TXNDC16: variants seen among roughly 807,000 people sequenced by gnomAD.
The protein encoded by TXNDC16 is thioredoxin domain containing 16.
Under a neutral mutation model 85.6 loss-of-function variants are expected in TXNDC16, and 74 were observed. The observed-to-expected ratio is 0.86, with a 90% confidence interval of 0.72 to 1.05. TXNDC16 has a LOEUF of 1.05. TXNDC16 is among the 50% of genes least tolerant of loss of function. TXNDC16 has a pLI of 0.00. For missense variants in TXNDC16, 959 were observed against 947.0 expected (o/e 1.01, Z -0.17); for synonymous variants, 335 against 326.5 (o/e 1.03, Z -0.28).
At chr14:52,503,755 C>T (rs1022044730) in intron 9 of TXNDC16, among the ~76,000 whole-genome samples, 9 of 152,168 alleles carry the variant, frequency 5.9e-5, no homozygotes, top group Non-Finnish European at 1.2e-4. Context: ...GAGAAGAAGG[C>T]TTCAGACGAT....
rs920676610 is a variant in TXNDC16 at position 52,432,589 on chromosome 14, T to C, written c.2195-2A>G. On this transcript the variant is annotated splice_acceptor_variant, in intron 20 of 20. Transcript: ENST00000281741. LOFTEE classifies it high-confidence loss of function. ...TCCATTCTTGAGCAGGTAAAATTGC[T>C]GGAAGGAAGAAACAATCAAAGGTTA... The C allele has an allele frequency of 3.1e-6, 5 of 1,597,854 alleles. No homozygotes were observed. The African/African-American group carries it at 6.7e-5, about 22-fold the overall frequency.
chr14:52,503,818 A>C (rs1594736797), intron 9 of TXNDC16, among the ~76,000 whole-genome samples: 1 of 152,238 alleles, frequency 6.6e-6, no homozygotes, highest in East Asian at 1.9e-4. Context: ...AAGAAGTTAA[A>C]AACCTTGAAA....
chr14:52,478,510 C>A (rs929011906), intron 14 of TXNDC16, among the ~76,000 whole-genome samples: 1 of 152,012 alleles, frequency 6.6e-6, no homozygotes, highest in Non-Finnish European at 1.5e-5. Context: ...ACTGACACCA[C>A]AGAAATACAA....
intron 9 of TXNDC16, among the ~76,000 whole-genome samples, chr14:52,509,704 C>G (rs1387656518): frequency 6.6e-6 from 1 of 151,544 alleles, no homozygotes; most frequent in Non-Finnish European, 1.5e-5. Context: ...AATGGCTGGG[C>G]GTGGTGGCTC....
chr14:52,438,221 G>A (rs527841016), intron 20 of TXNDC16, among the ~76,000 whole-genome samples: 115 of 152,326 alleles, frequency 7.5e-4, no homozygotes, highest in Non-Finnish European at 1.5e-3. Context: ...CAGCAGCAGC[G>A]ATTCAAAGGA....
At position 52,438,666 on chromosome 14, in the gene TXNDC16, A is replaced by C. The variant is rs544701246; in HGVS notation, c.2194+538T>G. Among the ~76,000 whole-genome samples the C allele has an allele frequency of 1.0e-3, 159 of 152,306 alleles. 1 individual carries two copies. Among genetic ancestry groups the C allele is most frequent in the African/African-American group, 3.7e-3 (153 of 41,584 alleles). ...ATTTGCTTTATTGTGGTGGTCTCAT[A>C]CTGAACCCTCAATATCTCTGAGGTA... On this transcript the variant is annotated intron_variant, in intron 20 of 20. Transcript: ENST00000281741.
At chr14:52,473,464 CTG>C (rs2140135394) in intron 14 of TXNDC16, among the ~76,000 whole-genome samples, 1 of 152,302 alleles carries the variant, frequency 6.6e-6, no homozygotes, top group African/African-American at 2.4e-5. Context: ...ACTGCTAAAA[CTG>C]TGATTATTCC....
At chr14:52,527,885 A>T (rs934823355) in intron 6 of TXNDC16, among the ~76,000 whole-genome samples, 10 of 139,940 alleles carry the variant, frequency 7.1e-5, no homozygotes, top group Non-Finnish European at 1.3e-4. Context: ...TAACCATTTG[A>T]TTTATTTCAC....
intron 14 of TXNDC16, among the ~76,000 whole-genome samples, chr14:52,481,196 G>C (rs192598659): frequency 1.3e-5 from 2 of 151,852 alleles, no homozygotes; most frequent in East Asian, 3.9e-4. Flanking sequence ...CAAGGGGAAA[G>C]GGTGGGAATA....
chr14:52,442,950 T>C (rs1357119287), intron 18 of TXNDC16, among the ~76,000 whole-genome samples: 1 of 152,188 alleles, frequency 6.6e-6, no homozygotes, highest in Non-Finnish European at 1.5e-5. Context: ...AAATTTAATG[T>C]ATGACAATAA....
At position 52,470,240 on chromosome 14, in the gene TXNDC16, C is replaced by T. The variant is rs2035874434; in HGVS notation, c.1482-67G>A. 6 of 1,180,788 alleles carry T rather than the reference C, an allele frequency of 5.1e-6. No homozygotes were observed. In the East Asian group the frequency reaches 1.6e-4, roughly 31 times the overall value. 73.1% of individuals were successfully genotyped at this position (1,180,788 alleles called of 1,614,324 possible). ...ATATTTTCAGTTTGTAAAAAAAAAG[C>T]ATACTAAACATAGCAAACAATATAT... On this transcript the variant is annotated intron_variant, in intron 15 of 20. Transcript: ENST00000281741.
At chr14:52,466,496 AAATATGTTTTTGGGG>A (rs1244643922) in intron 16 of TXNDC16, among the ~76,000 whole-genome samples, 1 of 152,106 alleles carries the variant, frequency 6.6e-6, no homozygotes, top group Non-Finnish European at 1.5e-5. Flanking sequence ...TTATAGGTTC[AAATATGTTTTTGGGG>A]AACATTTTCT....
At chr14:52,506,340 A>G (rs1168109126) in intron 9 of TXNDC16, among the ~76,000 whole-genome samples, 1 of 152,134 alleles carries the variant, frequency 6.6e-6, no homozygotes, top group Admixed American at 6.6e-5. Flanking sequence ...ATACTGGCAA[A>G]CCAAATCCAG....
At chr14:52,529,976 ATATG>A (rs1467113114) in intron 6 of TXNDC16, among the ~76,000 whole-genome samples, 2 of 87,992 alleles carry the variant, frequency 2.3e-5, no homozygotes, top group Non-Finnish European at 4.0e-5. Context: ...ACATATAACA[ATATG>A]TAATATATAA....
At chr14:52,545,309 G>A (rs80103352) in intron 1 of TXNDC16, among the ~76,000 whole-genome samples, 2,698 of 151,956 alleles carry the variant, frequency 0.018, 49 homozygotes, top group African/African-American at 0.047. Context: ...TTCCTATCTC[G>A]TTGGCCAAAC....
At chr14:52,533,616 T>C (rs1462404243) in intron 6 of TXNDC16, among the ~76,000 whole-genome samples, 1 of 152,188 alleles carries the variant, frequency 6.6e-6, no homozygotes. Context: ...TTTCATTTAC[T>C]TACTAGGAAA....
chr14:52,466,079 A>G (rs2035765771), intron 16 of TXNDC16, among the ~76,000 whole-genome samples: 2 of 152,092 alleles, frequency 1.3e-5, no homozygotes, highest in East Asian at 3.8e-4. Flanking sequence ...TGAATGAAGG[A>G]TTTTCTTTCA....
At position 52,470,065 on chromosome 14, in the gene TXNDC16, C is replaced by A; in HGVS notation, c.1590G>T (p.Leu530Phe). Residue 530 changes from leucine to phenylalanine, a missense_variant, in exon 16 of 21, where the codon TTG becomes TTT. Transcript: ENST00000281741. ...TTTTCATGGTTGGACTAAATAGTCC[C>A]AATACTGACACACTAGAATACAAGA... The part of the protein sequence containing the change: ...DLILYSSVSV[L>F]GLFSPTMKTA... 1 of 1,611,024 alleles carries A rather than the reference C, an allele frequency of 6.2e-7. No individual in the cohort carries two copies. Among genetic ancestry groups the A allele is most frequent in the South Asian group, 1.1e-5 (1 of 90,512 alleles).
chr14:52,511,427 A>G (rs1299193307), intron 8 of TXNDC16, 37 bp from the exon 9 acceptor site: 8 of 1,406,492 alleles, frequency 5.7e-6, no homozygotes, highest in African/African-American at 2.8e-5. Context: ...ATGAAGTTCA[A>G]TATGTGATCC....
Sources: gnomAD v4.1 joint callset for allele counts (sites outside exome capture counted in the v4.1 genomes callset) on GRCh38, gnomAD v4.1.1 for gene constraint, MANE v1.5 for transcripts, NCBI Gene and HGNC (gene_info 2026-07-23, HGNC 2026-07-21) for gene names.